The following QSOX2 variants were observed in gnomAD, a reference collection of about 807,000 sequenced individuals.
QSOX2 encodes quiescin sulfhydryl oxidase 2.
A neutral mutation model predicts 61.7 loss-of-function variants in QSOX2; 46 were observed. That is an observed-to-expected ratio of 0.75 (90% CI 0.59 to 0.95). QSOX2 has a LOEUF of 0.95. QSOX2 is among the 40% of genes least tolerant of loss of function. The probability of loss-of-function intolerance (pLI) is 0.00; values close to 1 mark genes in which losing one functional copy is unlikely to be tolerated. For synonymous variants in QSOX2, 383 were observed against 388.4 expected (o/e 0.99, Z 0.16); for missense variants, 879 against 918.9 (o/e 0.96, Z 0.56).
intron 2 of QSOX2, among the ~76,000 whole-genome samples, chr9:136,226,119 G>A (rs546955296): frequency 6.6e-6 from 1 of 152,344 alleles, no homozygotes; most frequent in Middle Eastern, 3.4e-3. Flanking sequence ...AAGGCACCAG[G>A]GCTGACAAGG....
intron 1 of QSOX2, among the ~76,000 whole-genome samples, chr9:136,234,077 G>A (rs376250052): frequency 1.4e-5 from 2 of 146,288 alleles, no homozygotes; most frequent in East Asian, 1.9e-4. Context: ...CAGCCTGGCC[G>A]GGACAAAGGC....
intron 3 of QSOX2, 89 bp from the exon 4 acceptor site, chr9:136,224,201 C>T: frequency 9.8e-7 from 1 of 1,024,276 alleles, no homozygotes; most frequent in East Asian, 2.4e-5. Flanking sequence ...CCGTCCCAGC[C>T]TGGGGCCCAA....
intron 1 of QSOX2, among the ~76,000 whole-genome samples, chr9:136,228,770 C>T (rs1307344382): frequency 6.6e-6 from 1 of 152,228 alleles, no homozygotes; most frequent in Non-Finnish European, 1.5e-5. Context: ...GATTTCTGAA[C>T]GGGAGGGAAC....
chr9:136,230,943 T>C (rs1261286885), intron 1 of QSOX2, among the ~76,000 whole-genome samples: 1 of 152,156 alleles, frequency 6.6e-6, no homozygotes, highest in Non-Finnish European at 1.5e-5. Flanking sequence ...TGCTTTCCCA[T>C]CTATTTCACA....
In QSOX2 at chr9:136,237,405, TGTCCTGGGCCTGCATCACCTGGAGCCC is replaced by T. The variant is rs1253987861; in HGVS notation, c.328+8044_328+8070del. On this transcript the variant is annotated intron_variant, in intron 1 of 11. Transcript: ENST00000358701. ...TCCTGGGCTGGCGTCACCTGGAGCCTGTCCTGGGCCTGCATCACCTGGAGCCCGTCCTGTGCCACACCTGGAGCCCAT... is the reference window on the plus strand; with the variant it reads ...TCCTGGGCTGGCGTCACCTGGAGCCTGTCCTGTGCCACACCTGGAGCCCAT... Among the ~76,000 whole-genome samples the T allele has an allele frequency of 8.6e-5, 9 of 104,632 alleles. No individual in the cohort carries two copies. The East Asian group carries it at 3.0e-3, about 34-fold the overall frequency. 68.6% of individuals were successfully genotyped at this position (104,632 alleles called of 152,430 possible). A position where few individuals can be genotyped will look rare whatever the true frequency, so the allele number is the denominator to read the frequency against.
chr9:136,229,731 AT>A (rs765721786), intron 1 of QSOX2, among the ~76,000 whole-genome samples: 12 of 152,174 alleles, frequency 7.9e-5, no homozygotes, highest in Non-Finnish European at 1.6e-4. Context: ...GGTTTCTCAG[AT>A]TTGTCTTAGG....
Position 136,224,945 on chromosome 9 carries a change from C to G in QSOX2, c.430-36G>C, listed in dbSNP as rs1830265763. Reference sequence around the variant, plus strand: ...AAACACAGAACAAGTAAGAGGCAGCCTTCCATGGGCATCTGCATGTGTTTA... The same window carrying G: ...AAACACAGAACAAGTAAGAGGCAGCGTTCCATGGGCATCTGCATGTGTTTA... On this transcript the variant is annotated intron_variant, in intron 2 of 11. Transcript: ENST00000358701. 3.9e-6 allele frequency: 6 copies of G among 1,525,986 alleles called. No individual in the cohort carries two copies. The East Asian group carries it at 1.4e-4, about 35-fold the overall frequency. 94.5% of individuals were successfully genotyped at this position (1,525,986 alleles called of 1,614,324 possible).
At chr9:136,237,711 C>CA (rs1830400005) in intron 1 of QSOX2, among the ~76,000 whole-genome samples, 1 of 106,128 alleles carries the variant, frequency 9.4e-6, no homozygotes, top group African/African-American at 3.7e-5. Flanking sequence ...CTGGAGCCTG[C>CA]TCTGGGCCGG....
chr9:136,219,274 T>C, intron 6 of QSOX2, 110 bp from the exon 7 acceptor site: 1 of 1,339,158 alleles, frequency 7.5e-7, no homozygotes, highest in South Asian at 1.5e-5. Flanking sequence ...CCTTTGGGCA[T>C]TTATTGGGGC....
intron 1 of QSOX2, among the ~76,000 whole-genome samples, chr9:136,245,116 C>A (rs1564300317): frequency 6.6e-6 from 1 of 152,134 alleles, no homozygotes; most frequent in Non-Finnish European, 1.5e-5. Flanking sequence ...CAATGAAGTT[C>A]TTGGGGCTCA....
At chr9:136,239,664 C>T (rs1242327642) in intron 1 of QSOX2, among the ~76,000 whole-genome samples, 2 of 152,256 alleles carry the variant, frequency 1.3e-5, no homozygotes, top group Non-Finnish European at 2.9e-5. Context: ...CTCGACCTGC[C>T]TCAGTAGAGC....
At chr9:136,227,686 G>A (rs1054098220) in intron 1 of QSOX2, among the ~76,000 whole-genome samples, 6 of 152,256 alleles carry the variant, frequency 3.9e-5, no homozygotes, top group Middle Eastern at 6.8e-3. Context: ...GAAAGATGAA[G>A]GCTCTCCACT....
intron 1 of QSOX2, among the ~76,000 whole-genome samples, chr9:136,233,662 G>A (rs1420023866): frequency 3.3e-5 from 5 of 152,240 alleles, no homozygotes; most frequent in Non-Finnish European, 7.3e-5. Flanking sequence ...ACGAGAGGTC[G>A]TGGATGTGGT....
intron 10 of QSOX2, among the ~76,000 whole-genome samples, chr9:136,212,713 C>T (rs1466248713): frequency 6.6e-5 from 10 of 152,228 alleles, no homozygotes; most frequent in Admixed American, 6.5e-4. Flanking sequence ...CTCTTCCCCA[C>T]ATCACCGCAG....
At chr9:136,225,485 C>A (rs1338417043) in intron 2 of QSOX2, among the ~76,000 whole-genome samples, 1 of 152,220 alleles carries the variant, frequency 6.6e-6, no homozygotes, top group Admixed American at 6.5e-5. Flanking sequence ...CCCATGACAC[C>A]CACGGCCCAC....
At chr9:136,217,244 T>C (rs749163978) in intron 8 of QSOX2, among the ~76,000 whole-genome samples, 1 of 152,194 alleles carries the variant, frequency 6.6e-6, no homozygotes, top group Non-Finnish European at 1.5e-5. Flanking sequence ...TCAACACAGC[T>C]TGGGGAGGCG....
rs1359148278 is a variant in QSOX2, at chr9:136,208,724, G to GCACT, written c.2097_*3dup. ...TTCCGCCGTGGCTGGCAGCACCCGG[G>GCACT]CACTCACACGGCCGGGTGGTGGTGC... On this transcript the variant is annotated 3_prime_UTR_variant, in exon 12 of 12. Coordinates refer to ENST00000358701, the MANE Select transcript of QSOX2 (RefSeq NM_181701.4). The GCACT allele has an allele frequency of 3.8e-6, 6 of 1,599,304 alleles. No homozygotes were observed. The highest frequency in any genetic ancestry group is 5.1e-6 in the Non-Finnish European group (6 of 1,169,670).
intron 9 of QSOX2, among the ~76,000 whole-genome samples, chr9:136,215,741 T>C (rs1831904205): frequency 6.6e-6 from 1 of 152,180 alleles, no homozygotes; most frequent in African/African-American, 2.4e-5. Context: ...AGGGTGGCCA[T>C]CAGAGTGGGT....
At chr9:136,210,127 C>T (rs1481137005) in intron 11 of QSOX2, 9 of 985,354 alleles carry the variant, frequency 9.1e-6, no homozygotes, top group African/African-American at 1.7e-5. Flanking sequence ...GTGCTGCACA[C>T]GAAGCCAGAG....
Sources: allele counts gnomAD v4.1 joint callset (sites outside exome capture counted in the v4.1 genomes callset), GRCh38; gene constraint gnomAD v4.1.1; transcripts MANE v1.5; gene names NCBI Gene and HGNC (gene_info 2026-07-23, HGNC 2026-07-21).